Variants in HMCN2 observed in about 807,000 individuals in gnomAD.
HMCN2 encodes the protein hemicentin-2.
A neutral mutation model predicts 377.5 loss-of-function variants in HMCN2; 325 were observed. The ratio of observed to expected loss-of-function variants is 0.86; its 90% CI spans 0.79 to 0.94. HMCN2 has a LOEUF of 0.94. Ranked by LOEUF, HMCN2 falls within the 40% of genes least tolerant of loss-of-function variation. The pLI, the probability that HMCN2 is intolerant of heterozygous loss-of-function variation, is 0.00. For synonymous variants in HMCN2, 2,007 were observed against 2,046.8 expected, an observed-to-expected ratio of 0.98 and a Z score of 0.53; for missense variants, 4,543 against 4,725.3, an observed-to-expected ratio of 0.96 and a Z score of 1.13.
At chr9:130,285,344 A>C (rs952410228) in intron 3 of HMCN2, 28 bp downstream of exon 3, 5 of 469,958 alleles carry the variant, frequency 1.1e-5, no homozygotes, top group Non-Finnish European at 1.3e-5. Context: ...GGGGGCCCAA[A>C]GTGGGGTCCC....
chr9:130,314,590 A>T (rs1239853060), intron 15 of HMCN2, among the ~76,000 whole-genome samples: 1 of 152,140 alleles, frequency 6.6e-6, no homozygotes. Flanking sequence ...AGTCCTCAGG[A>T]AAGGGGGCTG....
chr9:130,426,668 T>A (rs1382521636), intron 90 of HMCN2, among the ~76,000 whole-genome samples: 1 of 152,180 alleles, frequency 6.6e-6, no homozygotes, highest in Non-Finnish European at 1.5e-5. Context: ...GTCCAACCCA[T>A]GGCCCACAGG....
rs1564849355 is a variant in HMCN2 at position 130,393,717 on chromosome 9, C to T, written c.10235-25C>T. The T allele has an allele frequency of 8.2e-7, 1 of 1,212,578 alleles. No homozygotes were observed. 75.1% of individuals were successfully genotyped at this position (1,212,578 alleles called of 1,614,324 possible). A position where few individuals can be genotyped will look rare whatever the true frequency, so the allele number is the denominator to read the frequency against. ...TGAGAGTCCTGGAATAAAATGGTTC[C>T]TGCCCACCTTTCTGCCCTCCATAGT... On this transcript the variant is annotated intron_variant, in intron 67 of 97. Transcript: ENST00000683500. The surrounding 1 kb of genome is among the most constrained non-coding windows in gnomAD (Gnocchi z 5.2).
At chr9:130,386,011 A>C (rs1380684546) in intron 60 of HMCN2, among the ~76,000 whole-genome samples, 1 of 152,058 alleles carries the variant, frequency 6.6e-6, no homozygotes, top group African/African-American at 2.4e-5. Context: ...TTTCCTCAGC[A>C]TCTAGATGCT....
Position 130,408,923 on chromosome 9 carries a change from G to T in HMCN2, c.12869G>T (p.Arg4290Leu). ...CTGCAGAATGGCTCGCTGACCATCC[G>T]CAGGACTGAGGCAAGGCGGGGCCTG... ...HQLQNGSLTI[R>L]RTERDDAGRY... The change falls in exon 84 of 98, where the codon CGC becomes CTC. Residue 4290 changes from arginine (R) to leucine (L), a missense_variant. By Grantham distance (102) the Arg-to-Leu change is moderately radical. Transcript: ENST00000683500. 7.8e-7 allele frequency: 1 copy of T among 1,289,044 alleles called. No homozygotes were observed. Among genetic ancestry groups the T allele is most frequent in the Non-Finnish European group, 1.0e-6 (1 of 988,662 alleles). 79.9% of individuals were successfully genotyped at this position (1,289,044 alleles called of 1,614,324 possible). A position where few individuals can be genotyped will look rare whatever the true frequency, so the allele number is the denominator to read the frequency against.
chr9:130,385,291 G>A (rs1306465589), intron 59 of HMCN2, among the ~76,000 whole-genome samples: 1 of 152,122 alleles, frequency 6.6e-6, no homozygotes, highest in Non-Finnish European at 1.5e-5. Flanking sequence ...TGCCCCTGTA[G>A]GAAAAAGCCT....
At chr9:130,284,138 G>A (rs1554926711) in intron 1 of HMCN2, among the ~76,000 whole-genome samples, 1 of 152,134 alleles carries the variant, frequency 6.6e-6, no homozygotes, top group East Asian at 1.9e-4. Flanking sequence ...ACATAGATGG[G>A]GTTTCTGGAA....
At chr9:130,362,758 G>C (rs1840451312) in intron 39 of HMCN2, 109 bp from the exon 40 acceptor site, 8 of 863,614 alleles carry the variant, frequency 9.3e-6, no homozygotes, top group African/African-American at 3.6e-5. Flanking sequence ...GGGGCAGGCT[G>C]TCCAGGCGTG....
rs746600282 is a variant in HMCN2 at position 130,357,882 on chromosome 9, T to A, written c.5474T>A (p.Phe1825Tyr). The A allele has an allele frequency of 3.9e-5, 51 of 1,304,030 alleles. No individual in the cohort carries two copies. The highest frequency in any genetic ancestry group is 4.8e-5 in the Non-Finnish European group (47 of 988,872). The allele number at this position is 1,304,030 out of a possible 1,614,324, so 80.8% of individuals were successfully genotyped here. Residue 1825 changes from phenylalanine (F) to tyrosine (Y), a missense_variant, in exon 35 of 98, where the codon TTC becomes TAC. This residue lies in a region of HMCN2 where 1,032 missense variants were observed against 1,285.1 expected (regional missense o/e 0.80). Transcript: ENST00000683500. ...IIGGENITAP[F>Y]LQPVTLQCIG... ...GGGGGTGAGAACATCACAGCTCCTT[T>A]CCTGCAGCCTGTGACCCTCCAGTGC...
Position 130,394,251 on chromosome 9 carries a change from T to C in HMCN2, c.10502-134T>C, listed in dbSNP as rs1842485180. 2 of 601,524 alleles carry C rather than the reference T, an allele frequency of 3.3e-6. No individual in the cohort carries two copies. Among genetic ancestry groups the C allele is most frequent in the Non-Finnish European group, 5.0e-6 (2 of 399,484 alleles). 37.3% of individuals were successfully genotyped at this position (601,524 alleles called of 1,614,324 possible). On this transcript the variant is annotated intron_variant, in intron 68 of 97. Transcript: ENST00000683500. The surrounding 1 kb of genome is among the most constrained non-coding windows in gnomAD (Gnocchi z 5.1). ...GCTCCTGGTTTCTTTCCACCAAACC[T>C]TGGTGGCAGATGCAAGAACAAGGGC...
At chr9:130,382,545 A>G (rs1302862753) in intron 55 of HMCN2, 134 bp from the exon 56 acceptor site, 1 of 212,470 alleles carries the variant, frequency 4.7e-6, no homozygotes, top group Admixed American at 6.5e-5. Flanking sequence ...TGCATCAGGG[A>G]TTGGGAGGGC....
chr9:130,426,762 T>A (rs1386217220), intron 90 of HMCN2, among the ~76,000 whole-genome samples: 1 of 136,676 alleles, frequency 7.3e-6, no homozygotes, highest in African/African-American at 3.0e-5. Context: ...TTTTTGTGAT[T>A]TTTTTTTTTT....
intron 23 of HMCN2, among the ~76,000 whole-genome samples, 165 bp from the exon 24 acceptor site, chr9:130,340,945 TG>T (rs1839015576): frequency 6.6e-6 from 1 of 152,204 alleles, no homozygotes; most frequent in Non-Finnish European, 1.5e-5. Flanking sequence ...TCACTCACTT[TG>T]GGGGAGTCCA....
At chr9:130,302,180 T>C (rs1836552348) in intron 8 of HMCN2, among the ~76,000 whole-genome samples, 1 of 152,076 alleles carries the variant, frequency 6.6e-6, no homozygotes, top group Admixed American at 6.5e-5. Context: ...CCTGAGTAGC[T>C]GGGATTACAG....
At chr9:130,395,158 C>T (rs1215656382) in intron 70 of HMCN2, 50 bp downstream of exon 70, 11 of 1,276,380 alleles carry the variant, frequency 8.6e-6, no homozygotes, top group Admixed American at 2.3e-5. Context: ...AGGACGGGCT[C>T]GCGGCAGGGG....
intron 1 of HMCN2, among the ~76,000 whole-genome samples, chr9:130,279,960 C>T (rs966296554): frequency 1.1e-4 from 16 of 152,020 alleles, no homozygotes; most frequent in African/African-American, 3.4e-4. Context: ...GGAGCTGTGA[C>T]GACAGCAGCA....
rs1047746331 is a variant in HMCN2 at position 130,343,068 on chromosome 9, C to A, written c.3829+632C>A. 3.2e-3 allele frequency among the ~76,000 whole-genome samples: 493 copies of A among 152,312 alleles called. 5 individuals carry two copies. Among genetic ancestry groups the A allele is most frequent in the African/African-American group, 0.011 (465 of 41,560 alleles). ...CCTCTGCATGGAGCTGCTGTGGGAACTCAGTGGGACCCCACGCGTGCACAG... is the reference window on the plus strand; with the variant it reads ...CCTCTGCATGGAGCTGCTGTGGGAAATCAGTGGGACCCCACGCGTGCACAG... On this transcript the variant is annotated intron_variant, in intron 25 of 97. Transcript: ENST00000683500.
In HMCN2 at chr9:130,403,811, C is replaced by G; in HGVS notation, c.12084C>G (p.Asn4028Lys). The G allele has an allele frequency of 7.8e-7, 1 of 1,289,822 alleles. No individual in the cohort carries two copies. Among genetic ancestry groups the G allele is most frequent in the Non-Finnish European group, 1.0e-6 (1 of 988,872 alleles). 79.9% of individuals were successfully genotyped at this position (1,289,822 alleles called of 1,614,324 possible). ...IAHASPEDAG[N>K]YLCIAKNSAG... The stretch of plus-strand genomic sequence containing the variant: ...ATGCCAGCCCAGAGGATGCTGGAAA[C>G]TATCTCTGCATCGCTAAGAACAGTG... The change falls in exon 80 of 98, where the codon AAC (asparagine) becomes AAG (lysine). Residue 4028 changes from asparagine to lysine, a missense_variant. By Grantham distance (94) the Asn-to-Lys change is moderately conservative. Transcript: ENST00000683500.
Position 130,361,965 on chromosome 9 carries a change from C to T in HMCN2, c.5951-43C>T. On this transcript the variant is annotated intron_variant, in intron 38 of 97. Transcript: ENST00000683500. The surrounding 1 kb of genome is among the most constrained non-coding windows in gnomAD (Gnocchi z 4.8). ...GCCAGGGGCCCTGCCTGCTTTGCCCCAGTGGGGCTCAGCCTGTACCCCATG... is the reference window on the plus strand; with the variant it reads ...GCCAGGGGCCCTGCCTGCTTTGCCCTAGTGGGGCTCAGCCTGTACCCCATG... 1 of 984,778 alleles carries T rather than the reference C, an allele frequency of 1.0e-6. No homozygotes were observed. Among genetic ancestry groups the T allele is most frequent in the Non-Finnish European group, 1.2e-6 (1 of 828,946 alleles). The allele number at this position is 984,778 out of a possible 1,614,324, so 61.0% of individuals were successfully genotyped here.
Sources: allele counts gnomAD v4.1 joint callset (sites outside exome capture counted in the v4.1 genomes callset), GRCh38; gene constraint gnomAD v4.1.1; regional missense constraint gnomAD v4.1.1; non-coding constraint Gnocchi (gnomAD v3.1); transcripts MANE v1.5; gene names NCBI Gene and HGNC (gene_info 2026-07-23, HGNC 2026-07-21).